The following AGBL1 variants were observed in gnomAD, a reference collection of about 807,000 sequenced individuals.
The protein encoded by AGBL1 is cytosolic carboxypeptidase 4.
In AGBL1, 130 loss-of-function variants were observed where a neutral mutation model predicts 118.9. That is an observed-to-expected ratio of 1.09 (90% CI 0.95 to 1.26). The LOEUF (loss-of-function observed/expected upper bound fraction) is 1.26, where lower values mean the gene tolerates loss of function less well. Among genes scored for constraint, AGBL1 ranks in the 50% most tolerant of loss-of-function variants. The probability of loss-of-function intolerance (pLI) is 0.00; values close to 1 mark genes in which losing one functional copy is unlikely to be tolerated. For synonymous variants in AGBL1, 555 were observed against 478.9 expected, an observed-to-expected ratio of 1.16 and a Z score of -2.08; for missense variants, 1,584 against 1,298.1, an observed-to-expected ratio of 1.22 and a Z score of -3.38.
At chr15:86,834,581 C>G (rs2079147108) in intron 22 of AGBL1, among the ~76,000 whole-genome samples, 1 of 152,132 alleles carries the variant, frequency 6.6e-6, no homozygotes. Context: ...ATGTGTGGAT[C>G]TGAGTGCTGC....
intron 17 of AGBL1, among the ~76,000 whole-genome samples, chr15:86,349,285 C>A (rs185629811): frequency 6.6e-6 from 1 of 152,068 alleles, no homozygotes; most frequent in Non-Finnish European, 1.5e-5. Context: ...GAAATTAATA[C>A]GCTGGGAATG....
Position 86,154,476 on chromosome 15 carries a change from G to T in AGBL1, c.309G>T (p.Val103=). The change falls in exon 4 of 23, where the codon GTG becomes GTT. Residue 103 remains valine (V), a synonymous_variant. Coordinates refer to ENST00000614907, the MANE Select transcript of AGBL1 (RefSeq NM_001386094.1). ...CCCTAGAATTGGAAGCACTTGATGT[G>T]ACATTGATTCTGGCCAGGAAGAACC... ...RKALELEALD[V]TLILARKNLS... 6.2e-7 allele frequency: 1 copy of T among 1,612,996 alleles called. No homozygotes were observed. Among genetic ancestry groups the T allele is most frequent in the Non-Finnish European group, 8.5e-7 (1 of 1,179,504 alleles).
intron 22 of AGBL1, among the ~76,000 whole-genome samples, chr15:86,901,392 T>G (rs1484084921): frequency 6.6e-6 from 1 of 152,168 alleles, no homozygotes; most frequent in Non-Finnish European, 1.5e-5. Flanking sequence ...GAGATAGGGT[T>G]ATAACTTGAT....
At chr15:86,709,003 G>A (rs1215529379) in intron 22 of AGBL1, among the ~76,000 whole-genome samples, 1 of 152,104 alleles carries the variant, frequency 6.6e-6, no homozygotes, top group Admixed American at 6.6e-5. Context: ...TTCAAAATCT[G>A]AGCCCACTTA....
intron 23 of AGBL1, among the ~76,000 whole-genome samples, chr15:86,982,818 G>A (rs2081245270): frequency 6.6e-6 from 1 of 152,144 alleles, no homozygotes; most frequent in African/African-American, 2.4e-5. Flanking sequence ...TCTGGTCAAA[G>A]TAGGCTATGA....
intron 16 of AGBL1, among the ~76,000 whole-genome samples, chr15:86,290,343 C>CTTTTTT (rs559169172): frequency 3.7e-5 from 5 of 134,336 alleles, no homozygotes; most frequent in Admixed American, 7.5e-5. Context: ...TCTTTTCTTT[C>CTTTTTT]TTTTTTTTTT....
chr15:86,380,559 G>GTCCCTTTCCTTCTTCCTCCC (rs2081100653), intron 17 of AGBL1, among the ~76,000 whole-genome samples: 3 of 142,348 alleles, frequency 2.1e-5, no homozygotes, highest in Non-Finnish European at 4.5e-5. Flanking sequence ...TTCTTCCTCC[G>GTCCCTTTCCTTCTTCCTCCC]TCCCTTTCCC....
At chr15:86,669,791 A>G (rs1227035507) in intron 21 of AGBL1, among the ~76,000 whole-genome samples, 3 of 152,226 alleles carry the variant, frequency 2.0e-5, no homozygotes, top group East Asian at 1.9e-4. Flanking sequence ...TCTCCTGGAA[A>G]TGTTTACATT....
intron 6 of AGBL1, among the ~76,000 whole-genome samples, chr15:86,232,476 CG>C (rs1221494118): frequency 6.6e-6 from 1 of 152,138 alleles, no homozygotes; most frequent in Non-Finnish European, 1.5e-5. Flanking sequence ...TGCTTCCCAG[CG>C]TTAGCAGCTT....
At chr15:86,989,677 CAAAT>C (rs1224632982) in intron 24 of AGBL1, among the ~76,000 whole-genome samples, 2 of 151,870 alleles carry the variant, frequency 1.3e-5, no homozygotes, top group Non-Finnish European at 2.9e-5. Flanking sequence ...TAAAACTAAG[CAAAT>C]AAATAATATG....
intron 19 of AGBL1, among the ~76,000 whole-genome samples, chr15:86,544,651 G>T (rs138362299): frequency 1.3e-5 from 2 of 152,004 alleles, no homozygotes; most frequent in Non-Finnish European, 2.9e-5. Flanking sequence ...ACACTTATTC[G>T]CTATCAGGAG....
At chr15:86,541,519 G>GTT (rs1567047878) in intron 19 of AGBL1, among the ~76,000 whole-genome samples, 1 of 148,644 alleles carries the variant, frequency 6.7e-6, no homozygotes, top group Non-Finnish European at 1.5e-5. Flanking sequence ...CTGAGCCCAG[G>GTT]ATCTCGAAGG....
At chr15:86,151,000 G>GT (rs1254519656) in intron 3 of AGBL1, among the ~76,000 whole-genome samples, 1 of 152,150 alleles carries the variant, frequency 6.6e-6, no homozygotes, top group African/African-American at 2.4e-5. Context: ...CATGTCCTTT[G>GT]TAGGGACATG....
chr15:86,525,347 A>C (rs1228065712), intron 19 of AGBL1, among the ~76,000 whole-genome samples: 1 of 152,200 alleles, frequency 6.6e-6, no homozygotes, highest in Non-Finnish European at 1.5e-5. Context: ...GATTTAATGC[A>C]ATTCCTATCA....
intron 18 of AGBL1, among the ~76,000 whole-genome samples, chr15:86,429,088 C>T (rs1445689852): frequency 3.9e-5 from 6 of 152,214 alleles, no homozygotes; most frequent in African/African-American, 1.4e-4. Context: ...GCTCTGCCTC[C>T]TCACAAAGAC....
chr15:86,359,113 GC>G (rs1290356662), intron 17 of AGBL1, among the ~76,000 whole-genome samples: 2 of 151,836 alleles, frequency 1.3e-5, no homozygotes, highest in East Asian at 3.8e-4. Context: ...ATATTAACAA[GC>G]TTTTCCTCTT....
chr15:86,097,516 T>C (rs1228662308), intron 1 of AGBL1, among the ~76,000 whole-genome samples: 1 of 150,960 alleles, frequency 6.6e-6, no homozygotes, highest in Non-Finnish European at 1.5e-5. Context: ...CAAGCTAATC[T>C]CTATTTCCAT....
intron 22 of AGBL1, among the ~76,000 whole-genome samples, chr15:86,727,118 T>TA (rs1166480883): frequency 1.3e-5 from 2 of 152,158 alleles, no homozygotes; most frequent in East Asian, 3.8e-4. Context: ...ATGGGGACTC[T>TA]AGTGATAATG....
intron 21 of AGBL1, among the ~76,000 whole-genome samples, chr15:86,619,072 A>C (rs1447229475): frequency 6.6e-6 from 1 of 152,108 alleles, no homozygotes; most frequent in Non-Finnish European, 1.5e-5. Flanking sequence ...GTCTGTGGCC[A>C]GAGTGCTGAG....
Sources: gnomAD v4.1 joint callset for allele counts (sites outside exome capture counted in the v4.1 genomes callset) on GRCh38, gnomAD v4.1.1 for gene constraint, MANE v1.5 for transcripts, NCBI Gene and HGNC (gene_info 2026-07-23, HGNC 2026-07-21) for gene names.